The following DPP6 variants were observed in gnomAD, a reference collection of about 807,000 sequenced individuals.
DPP6 encodes the protein A-type potassium channel modulatory protein DPP6.
A neutral mutation model predicts 122.6 loss-of-function variants in DPP6; 69 were observed. That is an observed-to-expected ratio of 0.56 (90% CI 0.46 to 0.69). The LOEUF is 0.69. Ranked by LOEUF, DPP6 falls within the 30% of genes least tolerant of loss-of-function variation. The pLI, the probability that DPP6 is intolerant of heterozygous loss-of-function variation, is 0.00. For missense variants in DPP6, 928 were observed against 1,116.9 expected (o/e 0.83, Z 2.41); for synonymous variants, 418 against 433.1 (o/e 0.97, Z 0.43).
intron 1 of DPP6, among the ~76,000 whole-genome samples, chr7:153,953,861 A>G (rs1370255200): frequency 2.0e-5 from 3 of 152,152 alleles, no homozygotes; most frequent in African/African-American, 7.2e-5. Flanking sequence ...GAATTTGCTC[A>G]CCTCATGGTG....
At chr7:154,872,831 T>G (rs1804512010) in intron 19 of DPP6, 138 bp downstream of exon 19, 1 of 1,476,646 alleles carries the variant, frequency 6.8e-7, no homozygotes, top group Admixed American at 2.0e-5. Context: ...TAACATCGTT[T>G]AGCCCAATGT....
rs964873017 is a variant in DPP6, at chr7:154,445,127, T to C, written c.244-1087T>C. Among the ~76,000 whole-genome samples, 5 of 152,332 alleles carry C rather than the reference T, an allele frequency of 3.3e-5. No individual in the cohort carries two copies. In the East Asian group the frequency reaches 9.6e-4, roughly 29 times the overall value. On this transcript the variant is annotated intron_variant, in intron 1 of 25. Coordinates refer to ENST00000377770, the MANE Select transcript of DPP6 (RefSeq NM_130797.4). ...CACATTCTAAAGAACTTTTAATCTT[T>C]GATGAAAATATATTTATGTATTGCA...
intron 1 of DPP6, among the ~76,000 whole-genome samples, chr7:154,236,287 A>G (rs1801208673): frequency 6.6e-6 from 1 of 152,216 alleles, no homozygotes; most frequent in African/African-American, 2.4e-5. Flanking sequence ...TAAAAGCTAA[A>G]TATTATATAT....
At chr7:153,972,284 A>G (rs796578201) in intron 1 of DPP6, among the ~76,000 whole-genome samples, 445 of 140,440 alleles carry the variant, frequency 3.2e-3, no homozygotes, top group Middle Eastern at 7.9e-3. Context: ...ATGTTTCTCC[A>G]TCACACATTA....
intron 1 of DPP6, among the ~76,000 whole-genome samples, chr7:154,056,953 GTC>G (rs1160503675): frequency 4.6e-5 from 7 of 152,180 alleles, no homozygotes; most frequent in Admixed American, 6.5e-5. Context: ...TCTTTCAACT[GTC>G]TATTTGATCC....
intron 5 of DPP6, chr7:154,587,970 G>A (rs1563899795): frequency 2.5e-6 from 4 of 1,612,798 alleles, no homozygotes; most frequent in Admixed American, 3.3e-5. Context: ...CAGCCCTCAG[G>A]CAGCACTGTC....
chr7:154,062,301 G>C (rs1167394162), intron 1 of DPP6, among the ~76,000 whole-genome samples: 1 of 80,416 alleles, frequency 1.2e-5, no homozygotes, highest in Non-Finnish European at 2.6e-5. Context: ...TTCCCCCCCG[G>C]CTCTGAGGAC....
At chr7:153,977,780 C>T (rs1796383718) in intron 1 of DPP6, among the ~76,000 whole-genome samples, 1 of 152,016 alleles carries the variant, frequency 6.6e-6, no homozygotes. Context: ...TTGTTCAACT[C>T]CCACCTATGA....
intron 1 of DPP6, among the ~76,000 whole-genome samples, chr7:154,345,974 C>T (rs568351920): frequency 6.6e-6 from 1 of 152,278 alleles, no homozygotes; most frequent in Non-Finnish European, 1.5e-5. Flanking sequence ...TGAACTGAAA[C>T]ATACTTTGAT....
Position 154,165,635 on chromosome 7 carries a change from T to C in DPP6, c.243+112572T>C, listed in dbSNP as rs576437812. 5.3e-3 allele frequency among the ~76,000 whole-genome samples: 807 copies of C among 151,872 alleles called. 5 individuals carry two copies. The highest frequency in any genetic ancestry group is 0.018 in the African/African-American group (756 of 41,198). Reference sequence around the variant, plus strand: ...TACAGTCCCACCAACAGTGTAAAAGTGTTCCTATTTCTCCACATCCTCTCC... The same window carrying C: ...TACAGTCCCACCAACAGTGTAAAAGCGTTCCTATTTCTCCACATCCTCTCC... On this transcript the variant is annotated intron_variant, in intron 1 of 25. Coordinates refer to ENST00000377770, the MANE Select transcript of DPP6 (RefSeq NM_130797.4).
At chr7:154,847,346 G>A (rs980145308) in intron 16 of DPP6, among the ~76,000 whole-genome samples, 9 of 152,182 alleles carry the variant, frequency 5.9e-5, no homozygotes, top group Non-Finnish European at 1.3e-4. Flanking sequence ...TAAATATGCA[G>A]AGAAATGATC....
the DPP6 span, among the ~76,000 whole-genome samples, chr7:153,832,262 C>T: frequency 6.6e-6 from 1 of 152,210 alleles, no homozygotes; most frequent in Non-Finnish European, 1.5e-5. Context: ...ATCTCTTCTT[C>T]TCGATTTAAA....
At chr7:154,772,801 T>C (rs780404980) in intron 9 of DPP6, 44 bp from the exon 10 acceptor site, 2 of 1,589,592 alleles carry the variant, frequency 1.3e-6, no homozygotes, top group African/African-American at 2.7e-5. Context: ...TTCACTCTTG[T>C]ATAAGGCTGC....
intron 1 of DPP6, among the ~76,000 whole-genome samples, chr7:154,385,963 T>C (rs948451250): frequency 6.6e-6 from 1 of 152,078 alleles, no homozygotes; most frequent in Non-Finnish European, 1.5e-5. Flanking sequence ...TTTTTGTTGA[T>C]TTTTTCCCCT....
chr7:154,090,862 T>C (rs1437004516), intron 1 of DPP6, among the ~76,000 whole-genome samples: 1 of 150,024 alleles, frequency 6.7e-6, no homozygotes, highest in Non-Finnish European at 1.5e-5. Flanking sequence ...GGCTCATGCC[T>C]GTAATCCCAG....
At chr7:153,830,629 CT>C in the DPP6 span, among the ~76,000 whole-genome samples, 1 of 152,202 alleles carries the variant, frequency 6.6e-6, no homozygotes, top group Non-Finnish European at 1.5e-5. Context: ...GAATTGGCCA[CT>C]GTTTAATCAT....
chr7:154,670,809 A>G (rs9791861), intron 7 of DPP6, among the ~76,000 whole-genome samples: 138,943 of 152,264 alleles, frequency 0.91, 64,663 homozygotes, highest in East Asian at 1. Context: ...TAGTACAATC[A>G]CATTTTCTTG....
At chr7:154,225,342 C>T (rs1457568691) in intron 1 of DPP6, among the ~76,000 whole-genome samples, 1 of 152,024 alleles carries the variant, frequency 6.6e-6, no homozygotes, top group Non-Finnish European at 1.5e-5. Context: ...AGACATTATA[C>T]AGCCTATATA....
At chr7:154,324,500 C>T (rs771751240) in intron 1 of DPP6, among the ~76,000 whole-genome samples, 41 of 152,226 alleles carry the variant, frequency 2.7e-4, no homozygotes, top group Non-Finnish European at 1.9e-4. Flanking sequence ...CACGGGGTGA[C>T]CCCGGTGTGA....
Sources: allele counts gnomAD v4.1 joint callset (sites outside exome capture counted in the v4.1 genomes callset), GRCh38; gene constraint gnomAD v4.1.1; transcripts MANE v1.5; gene names NCBI Gene and HGNC (gene_info 2026-07-23, HGNC 2026-07-21).